AGBL3: variants seen among roughly 807,000 people sequenced by gnomAD.
AGBL3 encodes the protein cytosolic carboxypeptidase 3.
In AGBL3, 68 loss-of-function variants were observed where a neutral mutation model predicts 94.5. The observed-to-expected ratio is 0.72, with a 90% CI of 0.59 to 0.88. AGBL3 has a LOEUF of 0.88. Ranked by LOEUF, AGBL3 falls within the 40% of genes least tolerant of loss-of-function variation. The pLI is 0.00. For missense variants in AGBL3, 934 were observed against 1,103.8 expected (o/e 0.85, Z 2.18); for synonymous variants, 354 against 370.7 (o/e 0.95, Z 0.52).
Position 134,988,012 on chromosome 7 carries a change from CTTTA to C in AGBL3, c.63+20_63+23del, listed in dbSNP as rs1563155863. ...AGATGAATCGGTATGTTTTTCTCAA[CTTTA>C]TTTTACTTGGAGATAAAATTTGTAT... On this transcript the variant is annotated intron_variant, in intron 2 of 16. Transcript: ENST00000436302. 2.0e-6 allele frequency: 3 copies of C among 1,506,896 alleles called. No individual in the cohort carries two copies. The highest frequency in any genetic ancestry group is 2.7e-6 in the Non-Finnish European group (3 of 1,117,082). The allele number at this position is 1,506,896 out of a possible 1,614,324, so 93.3% of individuals were successfully genotyped here.
At chr7:135,003,173 T>A (rs1231386444) in intron 4 of AGBL3, among the ~76,000 whole-genome samples, 3 of 152,162 alleles carry the variant, frequency 2.0e-5, no homozygotes, top group Non-Finnish European at 2.9e-5. Flanking sequence ...CATTTTGATA[T>A]AAGAAGTAAA....
chr7:135,051,941 G>C (rs1008910898), intron 11 of AGBL3, among the ~76,000 whole-genome samples: 1 of 152,048 alleles, frequency 6.6e-6, no homozygotes, highest in Non-Finnish European at 1.5e-5. Context: ...TATGCTACCA[G>C]TCTGACAGTT....
At chr7:135,049,982 T>C (rs1479853983) in intron 11 of AGBL3, among the ~76,000 whole-genome samples, 2 of 151,850 alleles carry the variant, frequency 1.3e-5, no homozygotes. Context: ...CCTCGAGGTA[T>C]AAAATTAGGT....
At chr7:135,001,860 T>A (rs938026063) in intron 4 of AGBL3, among the ~76,000 whole-genome samples, 2 of 152,232 alleles carry the variant, frequency 1.3e-5, no homozygotes, top group African/African-American at 4.8e-5. Flanking sequence ...TATGTTTAGC[T>A]TGTTTCTTGT....
chr7:135,067,716 A>G (rs1011405716), intron 12 of AGBL3, among the ~76,000 whole-genome samples: 3 of 152,216 alleles, frequency 2.0e-5, no homozygotes, highest in African/African-American at 7.2e-5. Context: ...CAGAAAGGAC[A>G]TCCACACCAA....
intron 4 of AGBL3, among the ~76,000 whole-genome samples, chr7:134,995,750 G>A (rs928747815): frequency 6.6e-6 from 1 of 152,182 alleles, no homozygotes; most frequent in African/African-American, 2.4e-5. Context: ...ATGTCACACA[G>A]CTACTGGTCA....
chr7:135,058,349 G>A lies in AGBL3; in HGVS notation c.1842-820G>A, dbSNP rs142033995. 3.9e-5 allele frequency among the ~76,000 whole-genome samples: 6 copies of A among 152,024 alleles called. No individual in the cohort carries two copies. In the East Asian group the frequency reaches 5.8e-4, roughly 15 times the overall value. On this transcript the variant is annotated intron_variant, in intron 11 of 16. Coordinates refer to ENST00000436302, the MANE Select transcript of AGBL3 (RefSeq NM_178563.4). The stretch of plus-strand genomic sequence containing the variant: ...TGTATTGGCTCTCAAGCAAAAAAAC[G>A]TGCCTACCACTGCATTAAATGATTA...
At chr7:135,125,323 C>T (rs1306297563) in intron 16 of AGBL3, among the ~76,000 whole-genome samples, 1 of 152,140 alleles carries the variant, frequency 6.6e-6, no homozygotes, top group African/African-American at 2.4e-5. Context: ...TGGACACACA[C>T]ACCCTCCCAA....
At chr7:135,002,583 CAAGTAGACA>C (rs1811855664) in intron 4 of AGBL3, among the ~76,000 whole-genome samples, 1 of 152,090 alleles carries the variant, frequency 6.6e-6, no homozygotes, top group Admixed American at 6.6e-5. Context: ...CCCAAGGCCC[CAAGTAGACA>C]AAGAAACTCT....
At chr7:135,090,208 TCA>T (rs1821659458) in intron 15 of AGBL3, among the ~76,000 whole-genome samples, 1 of 152,066 alleles carries the variant, frequency 6.6e-6, no homozygotes, top group Non-Finnish European at 1.5e-5. Context: ...GGTCAGTATA[TCA>T]CAGACTCTGT....
Position 135,017,074 on chromosome 7 carries a change from G to T in AGBL3, c.333G>T (p.Glu111Asp). The T allele has an allele frequency of 6.5e-7, 1 of 1,549,018 alleles. No homozygotes were observed. The highest frequency in any genetic ancestry group is 2.4e-5 in the East Asian group (1 of 40,862). ...CAGATTGGACTCCTTCTTGTCCTGA[G>T]CCAGTGTATATCCCAACGGGCTTAG... ...QHIDWTPSCP[E>D]PVYIPTGLET... The change falls in exon 5 of 17, where the codon GAG becomes GAT. Residue 111 changes from glutamate to aspartate, a missense_variant. Glu to Asp is a conservative substitution (Grantham distance 45). Around this residue, in one of 3 missense-constraint regions of AGBL3, gnomAD observed 488 missense variants for 563.6 expected, o/e 0.87. Transcript: ENST00000436302.
intron 15 of AGBL3, among the ~76,000 whole-genome samples, chr7:135,096,584 C>CATACATAGATAGATAGATAGATAG (rs1822811727): frequency 2.3e-5 from 2 of 88,816 alleles, no homozygotes; most frequent in Non-Finnish European, 4.8e-5. Flanking sequence ...TAGATAGATA[C>CATACATAGATAGATAGATAGATAG]ATAGATAGAT....
intron 4 of AGBL3, among the ~76,000 whole-genome samples, chr7:135,009,836 A>G (rs1454457733): frequency 6.6e-6 from 1 of 152,184 alleles, no homozygotes; most frequent in African/African-American, 2.4e-5. Context: ...ACCAGATTAT[A>G]TGAAGTTCAG....
chr7:135,119,644 G>A (rs925429693), intron 16 of AGBL3, among the ~76,000 whole-genome samples: 18 of 152,022 alleles, frequency 1.2e-4, no homozygotes, highest in African/African-American at 2.9e-4. Flanking sequence ...TTGGGAGGCC[G>A]AGGTGGGCAG....
At chr7:135,016,007 G>C (rs1813750801) in intron 4 of AGBL3, among the ~76,000 whole-genome samples, 1 of 150,274 alleles carries the variant, frequency 6.7e-6, no homozygotes, top group African/African-American at 2.5e-5. Context: ...CTCCAGCCTG[G>C]GCGACAGAGC....
chr7:135,045,722 G>A (rs1817294426), intron 10 of AGBL3, 77 bp from the exon 11 acceptor site: 1 of 1,330,926 alleles, frequency 7.5e-7, no homozygotes. Flanking sequence ...ATTGTTCCAG[G>A]TGTCTATAAA....
chr7:135,045,101 T>C (rs1323588508), intron 9 of AGBL3, among the ~76,000 whole-genome samples: 2 of 152,076 alleles, frequency 1.3e-5, no homozygotes, highest in Admixed American at 6.6e-5. Flanking sequence ...ATTTTCTTAA[T>C]CAAAGCACTT....
intron 16 of AGBL3, chr7:135,129,231 C>T (rs1051343576): frequency 6.8e-7 from 1 of 1,465,818 alleles, no homozygotes; most frequent in South Asian, 1.1e-5. Flanking sequence ...GATGCAGGAG[C>T]CTGGCTACAT....
chr7:135,060,531 T>C (rs1274804132), intron 12 of AGBL3, among the ~76,000 whole-genome samples: 1 of 152,178 alleles, frequency 6.6e-6, no homozygotes, highest in Non-Finnish European at 1.5e-5. Context: ...TTGTATCCTT[T>C]GACTAACACC....
Sources: gnomAD v4.1 joint callset for allele counts (sites outside exome capture counted in the v4.1 genomes callset) on GRCh38, gnomAD v4.1.1 for gene constraint, gnomAD v4.1.1 regional missense constraint, MANE v1.5 for transcripts, NCBI Gene and HGNC (gene_info 2026-07-23, HGNC 2026-07-21) for gene names.